CDKAL1: variants seen among roughly 807,000 people sequenced by gnomAD.
The protein encoded by CDKAL1 is threonylcarbamoyladenosine tRNA methylthiotransferase.
Under a neutral mutation model 68.2 loss-of-function variants are expected in CDKAL1, and 32 were observed. The observed-to-expected ratio is 0.47, with a 90% CI of 0.35 to 0.63. The LOEUF (loss-of-function observed/expected upper bound fraction) is 0.63. CDKAL1 is among the 30% of genes least tolerant of loss of function. The probability of loss-of-function intolerance (pLI) is 0.00; values close to 1 mark genes in which losing one functional copy is unlikely to be tolerated. For missense variants in CDKAL1, 606 were observed against 696.7 expected, an observed-to-expected ratio of 0.87 and a Z score of 1.47; for synonymous variants, 234 against 244.3, an observed-to-expected ratio of 0.96 and a Z score of 0.39.
intron 8 of CDKAL1, among the ~76,000 whole-genome samples, chr6:20,795,844 A>T (rs563721373): frequency 6.6e-6 from 1 of 152,320 alleles, no homozygotes; most frequent in South Asian, 2.1e-4. Flanking sequence ...CTTCTATGTA[A>T]GGCTTGTTAG....
chr6:20,867,178 G>T (rs1388160531), intron 9 of CDKAL1, among the ~76,000 whole-genome samples: 1 of 152,070 alleles, frequency 6.6e-6, no homozygotes, highest in Non-Finnish European at 1.5e-5. Context: ...CCAGCATCTC[G>T]GCATTTGTAT....
chr6:20,920,568 A>T (rs1490575494), intron 9 of CDKAL1, among the ~76,000 whole-genome samples: 1 of 152,228 alleles, frequency 6.6e-6, no homozygotes, highest in Non-Finnish European at 1.5e-5. Context: ...GTTTCAAAGA[A>T]TCAGATTCTT....
intron 5 of CDKAL1, among the ~76,000 whole-genome samples, chr6:20,732,439 C>CTG (rs1429377564): frequency 7.7e-6 from 1 of 129,816 alleles, no homozygotes; most frequent in African/African-American, 3.0e-5. Flanking sequence ...TGACACCTGG[C>CTG]TATTTTTTTT....
At chr6:21,005,319 A>G (rs1024845102) in intron 11 of CDKAL1, among the ~76,000 whole-genome samples, 1 of 152,230 alleles carries the variant, frequency 6.6e-6, no homozygotes, top group African/African-American at 2.4e-5. Context: ...CAACATGCGC[A>G]GTTCTTAAGC....
intron 5 of CDKAL1, among the ~76,000 whole-genome samples, chr6:20,664,125 C>T (rs1023294270): frequency 4.6e-5 from 7 of 152,132 alleles, no homozygotes; most frequent in African/African-American, 1.7e-4. Flanking sequence ...ATACAACCTA[C>T]ACATTCTGCA....
chr6:20,912,646 A>ATT (rs367600345), intron 9 of CDKAL1, among the ~76,000 whole-genome samples: 2 of 151,938 alleles, frequency 1.3e-5, no homozygotes, highest in Admixed American at 1.3e-4. Context: ...TACTAGACAT[A>ATT]TTTTTTTTAA....
At chr6:20,739,041 C>T (rs898359496) in intron 5 of CDKAL1, among the ~76,000 whole-genome samples, 5 of 152,014 alleles carry the variant, frequency 3.3e-5, no homozygotes, top group South Asian at 2.1e-4. Context: ...ATTACTAGCA[C>T]GTAGGGTATT....
intron 9 of CDKAL1, among the ~76,000 whole-genome samples, chr6:20,915,205 T>G (rs1176160807): frequency 6.6e-6 from 1 of 150,996 alleles, no homozygotes; most frequent in Non-Finnish European, 1.5e-5. Context: ...AAAAGAAATG[T>G]TGAAAGCAGA....
chr6:20,681,980 A>T (rs1291193485), intron 5 of CDKAL1, among the ~76,000 whole-genome samples: 1 of 152,216 alleles, frequency 6.6e-6, no homozygotes, highest in East Asian at 1.9e-4. Context: ...ATAGATGGCA[A>T]GTTATAGCTG....
chr6:21,096,278 A>G (rs995968934), intron 12 of CDKAL1, among the ~76,000 whole-genome samples: 3 of 152,196 alleles, frequency 2.0e-5, no homozygotes, highest in African/African-American at 7.2e-5. Flanking sequence ...TGGGTCAGAG[A>G]AATTTCGTTT....
In CDKAL1 at chr6:21,074,052, C is replaced by T. The variant is rs925857514; in HGVS notation, c.1236+8824C>T. On this transcript the variant is annotated intron_variant, in intron 12 of 15. Coordinates refer to ENST00000274695, the MANE Select transcript of CDKAL1 (RefSeq NM_017774.3). ...CTTCTCATGCAGCTCTTTATTAAACCTCTTTGTATTAATGTCCCAAAGCTT... is the reference window on the plus strand; with the variant it reads ...CTTCTCATGCAGCTCTTTATTAAACTTCTTTGTATTAATGTCCCAAAGCTT... 2.0e-5 allele frequency among the ~76,000 whole-genome samples: 3 copies of T among 152,170 alleles called. No homozygotes were observed. The East Asian group carries it at 5.8e-4, about 29-fold the overall frequency.
intron 5 of CDKAL1, among the ~76,000 whole-genome samples, chr6:20,697,153 G>A (rs57203284): frequency 0.059 from 8,971 of 152,166 alleles, 844 homozygotes; most frequent in African/African-American, 0.2. Context: ...AAGATGTCAT[G>A]CAAAAACTAG....
intron 11 of CDKAL1, among the ~76,000 whole-genome samples, chr6:21,000,691 T>G (rs1031213467): frequency 2.0e-5 from 3 of 152,206 alleles, no homozygotes; most frequent in Admixed American, 2.0e-4. Flanking sequence ...TCTGTGTAAA[T>G]CTCCTTTAAT....
At chr6:20,974,165 CTCT>C (rs537410266) in intron 10 of CDKAL1, among the ~76,000 whole-genome samples, 37 of 152,158 alleles carry the variant, frequency 2.4e-4, no homozygotes, top group Non-Finnish European at 4.9e-4. Context: ...TCTAAGATGG[CTCT>C]TCTTTGTCCT....
intron 13 of CDKAL1, among the ~76,000 whole-genome samples, chr6:21,182,856 T>C (rs1377755865): frequency 1.3e-5 from 2 of 152,206 alleles, no homozygotes; most frequent in African/African-American, 2.4e-5. Context: ...CCTAAAAGCA[T>C]TAACTATTCT....
At chr6:21,112,924 T>C (rs1774196055) in intron 13 of CDKAL1, among the ~76,000 whole-genome samples, 1 of 152,206 alleles carries the variant, frequency 6.6e-6, no homozygotes, top group Non-Finnish European at 1.5e-5. Flanking sequence ...TTCAATCTTT[T>C]TTTAAAACAA....
intron 5 of CDKAL1, among the ~76,000 whole-genome samples, chr6:20,686,069 CTTAT>C (rs1221273695): frequency 2.3e-5 from 3 of 132,452 alleles, no homozygotes; most frequent in Non-Finnish European, 4.7e-5. Flanking sequence ...TGCTAAATAG[CTTAT>C]TTGTTTTAAG....
Position 20,951,496 on chromosome 6 carries a change from A to G in CDKAL1, c.743-3923A>G, listed in dbSNP as rs569404625. ...TGCTATGGCGCAGAGATGGGAATCT[A>G]GCTGTTGGGGTTGCTGTTTATTCAG... On this transcript the variant is annotated intron_variant, in intron 9 of 15. Transcript: ENST00000274695. Among the ~76,000 whole-genome samples, 18 of 152,292 alleles carry G rather than the reference A, an allele frequency of 1.2e-4. No homozygotes were observed. In the South Asian group the frequency reaches 3.5e-3, roughly 30 times the overall value.
intron 5 of CDKAL1, among the ~76,000 whole-genome samples, chr6:20,720,488 A>G (rs1317511419): frequency 6.6e-6 from 1 of 151,990 alleles, no homozygotes; most frequent in African/African-American, 2.4e-5. Flanking sequence ...CCTTCTCCCC[A>G]GTCACCCTTC....
Sources: gnomAD v4.1 joint callset for allele counts (sites outside exome capture counted in the v4.1 genomes callset) on GRCh38, gnomAD v4.1.1 for gene constraint, MANE v1.5 for transcripts, NCBI Gene and HGNC (gene_info 2026-07-23, HGNC 2026-07-21) for gene names.